OVCH1: variants seen among roughly 807,000 people sequenced by gnomAD.
OVCH1 encodes the protein ovochymase 1.
A neutral mutation model predicts 138.4 loss-of-function variants in OVCH1; 139 were observed. That is an observed-to-expected ratio of 1.00 (90% CI 0.87 to 1.16). OVCH1 has a LOEUF of 1.16. Ranked by LOEUF, OVCH1 falls within the 50% of genes most tolerant of loss-of-function variation. The pLI is 0.00. For missense variants in OVCH1, 1,367 were observed against 1,357.9 expected (o/e 1.01, Z -0.11); for synonymous variants, 453 against 467.8 (o/e 0.97, Z 0.41).
In OVCH1 at chr12:29,491,166, GA is replaced by G; in HGVS notation, c.480del (p.Pro161LeufsTer51). On this transcript the variant is annotated frameshift_variant, in exon 5 of 28. Coordinates refer to ENST00000318184, the Ensembl canonical transcript of OVCH1. LOFTEE classifies it high-confidence loss of function. ...GGTTCAACTTTATCATCGCTGTCAGGAAGACAGATTGGCTGAACAGCATTTC... is the reference window on the plus strand; with the variant it reads ...GGTTCAACTTTATCATCGCTGTCAGGAGACAGATTGGCTGAACAGCATTTC... 1 of 1,613,640 alleles carries G rather than the reference GA, an allele frequency of 6.2e-7. No homozygotes were observed. The highest frequency in any genetic ancestry group is 8.5e-7 in the Non-Finnish European group (1 of 1,179,690).
chr12:29,464,694 C>T lies in OVCH1; in HGVS notation c.1938G>A (p.Arg646=), dbSNP rs529800856. 8.1e-6 allele frequency: 13 copies of T among 1,610,694 alleles called. No homozygotes were observed. In the Admixed American group the frequency reaches 1.5e-4, roughly 19 times the overall value. Residue 646 remains arginine (R), a synonymous_variant, in exon 18 of 28, where the codon AGG becomes AGA. Transcript: ENST00000318184. ...CTTCATGCACTATTATGTGTTTGGC[C>T]CTTCTCACCTGTATCGGTGGCAAGT...
At chr12:29,486,501 T>C (rs1225257616) in intron 7 of OVCH1, among the ~76,000 whole-genome samples, 153 bp from the exon 8 acceptor site, 1 of 152,252 alleles carries the variant, frequency 6.6e-6, no homozygotes, top group Non-Finnish European at 1.5e-5. Flanking sequence ...TAACCCACTA[T>C]GTCTTTTAAA....
chr12:29,411,906 G>C (rs1940963672), downstream of OVCH1, among the ~76,000 whole-genome samples: 1 of 149,292 alleles, frequency 6.7e-6, no homozygotes, highest in African/African-American at 2.5e-5. Context: ...CCTGCCCCCA[G>C]AGGTGGAGCC....
chr12:29,460,406 A>G (rs1268798438), intron 19 of OVCH1, among the ~76,000 whole-genome samples: 2 of 152,214 alleles, frequency 1.3e-5, no homozygotes, highest in Non-Finnish European at 2.9e-5. Flanking sequence ...GATTTTTATC[A>G]GATAACATTT....
exon 7 of OVCH1, chr12:29,487,734 A>G (rs1317779757): frequency 7.5e-6 from 12 of 1,604,514 alleles, no homozygotes; most frequent in Non-Finnish European, 1.0e-5. Flanking sequence ...CAACTCAGAC[A>G]CTTTGGAGAA....
At chr12:29,449,082 A>T (rs913782250) in intron 22 of OVCH1, among the ~76,000 whole-genome samples, 4 of 152,082 alleles carry the variant, frequency 2.6e-5, no homozygotes, top group African/African-American at 9.7e-5. Context: ...GCATGTTTTC[A>T]CCAAATCTTT....
chr12:29,483,987 GTAGTA>G (rs1943015991), intron 8 of OVCH1, among the ~76,000 whole-genome samples: 1 of 152,112 alleles, frequency 6.6e-6, no homozygotes, highest in Admixed American at 6.5e-5. Context: ...ATTTCCTCTT[GTAGTA>G]TAGTTATTTT....
downstream of OVCH1, among the ~76,000 whole-genome samples, chr12:29,422,823 T>C (rs1401602885): frequency 6.6e-6 from 1 of 152,178 alleles, no homozygotes; most frequent in Admixed American, 6.5e-5. Context: ...GACATGGAAA[T>C]ACAATGAACT....
chr12:29,447,776 T>C (rs957457310), intron 22 of OVCH1, among the ~76,000 whole-genome samples: 1 of 151,706 alleles, frequency 6.6e-6, no homozygotes, highest in Admixed American at 6.6e-5. Flanking sequence ...GCCAATGTAA[T>C]AGACAATGAC....
chr12:29,464,594 C>A, exon 18 of OVCH1: 2 of 1,613,670 alleles, frequency 1.2e-6, no homozygotes, highest in Non-Finnish European at 1.7e-6. Flanking sequence ...ACTGGCCTCA[C>A]CACCGAGTTG....
At chr12:29,441,990 G>A (rs1941497080) in intron 25 of OVCH1, among the ~76,000 whole-genome samples, 1 of 151,908 alleles carries the variant, frequency 6.6e-6, no homozygotes, top group Admixed American at 6.6e-5. Flanking sequence ...TGGAGAGGAT[G>A]TGGAGAAATA....
At chr12:29,417,680 A>T (rs1016048301) in intron 3 of OVCH1, among the ~76,000 whole-genome samples, 1 of 152,070 alleles carries the variant, frequency 6.6e-6, no homozygotes, top group African/African-American at 2.4e-5. Context: ...AAAGCAAGAT[A>T]AGGAGGGGGT....
chr12:29,453,048 A>G (rs1291562675), intron 21 of OVCH1, among the ~76,000 whole-genome samples: 1 of 152,192 alleles, frequency 6.6e-6, no homozygotes, highest in Non-Finnish European at 1.5e-5. Flanking sequence ...TGGCACTGTC[A>G]CCACCATTTA....
Position 29,465,487 on chromosome 12 carries a change from CTT to C in OVCH1, c.1857-270_1857-269del, listed in dbSNP as rs547818301. ...GAGAGAGAGCAAAGGAAGCCACACA[CTT>C]TTGAACCATCAGATCTTGCAAGAAC... On this transcript the variant is annotated intron_variant, in intron 16 of 27. Transcript: ENST00000318184. Among the ~76,000 whole-genome samples, 367 of 152,226 alleles carry C rather than the reference CTT, an allele frequency of 2.4e-3. 1 individual carries two copies. Among genetic ancestry groups the C allele is most frequent in the African/African-American group, 8.6e-3 (359 of 41,544 alleles).
the OVCH1 span, among the ~76,000 whole-genome samples, chr12:29,407,184 T>A: frequency 6.7e-6 from 1 of 148,464 alleles, no homozygotes; most frequent in Non-Finnish European, 1.5e-5. Context: ...TTGTTTGAGT[T>A]CATTGTAGAT....
intron 16 of OVCH1, among the ~76,000 whole-genome samples, chr12:29,465,518 C>G (rs1354344204): frequency 6.6e-6 from 1 of 152,086 alleles, no homozygotes; most frequent in Non-Finnish European, 1.5e-5. Context: ...CAAGAACTCA[C>G]TATCAGGTGA....
chr12:29,481,820 T>A (rs2095865617), intron 8 of OVCH1, among the ~76,000 whole-genome samples: 1 of 152,164 alleles, frequency 6.6e-6, no homozygotes, highest in Non-Finnish European at 1.5e-5. Context: ...ATTCTTCCAA[T>A]AGCTCAGGTT....
downstream of OVCH1, among the ~76,000 whole-genome samples, chr12:29,423,997 C>A (rs1941142346): frequency 6.6e-6 from 1 of 152,024 alleles, no homozygotes; most frequent in African/African-American, 2.4e-5. Context: ...AGACCCTAAC[C>A]CAGCAGCGCT....
At chr12:29,428,189 A>G (rs775619043) in intron 27 of OVCH1, among the ~76,000 whole-genome samples, 1 of 152,188 alleles carries the variant, frequency 6.6e-6, no homozygotes, top group Admixed American at 6.5e-5. Flanking sequence ...TCTCTTGGCT[A>G]AAATGAGGAA....
Sources: allele counts gnomAD v4.1 joint callset (sites outside exome capture counted in the v4.1 genomes callset), GRCh38; gene constraint gnomAD v4.1.1; transcripts MANE v1.5; gene names NCBI Gene and HGNC (gene_info 2026-07-23, HGNC 2026-07-21).